Variants in BTBD9 observed in about 807,000 individuals in gnomAD.
BTBD9 encodes the protein BTB/POZ domain-containing protein 9.
In BTBD9, 49 loss-of-function variants were observed where a neutral mutation model predicts 64.3. The observed-to-expected ratio is 0.76, with a 90% CI of 0.61 to 0.97. BTBD9 has a LOEUF of 0.97. Ranked by LOEUF, BTBD9 falls within the 50% of genes least tolerant of loss-of-function variation. The pLI is 0.00. For missense variants in BTBD9, 598 were observed against 762.1 expected (o/e 0.78, Z 2.53); for synonymous variants, 260 against 274.7 (o/e 0.95, Z 0.53).
intron 9 of BTBD9, among the ~76,000 whole-genome samples, chr6:38,242,945 A>G (rs930252978): frequency 6.6e-6 from 1 of 152,246 alleles, no homozygotes; most frequent in African/African-American, 2.4e-5. Context: ...AGTTATATGC[A>G]TGCCAATTAC....
intron 9 of BTBD9, among the ~76,000 whole-genome samples, chr6:38,251,082 A>AG (rs1192848781): frequency 2.9e-4 from 42 of 146,346 alleles, no homozygotes; most frequent in African/African-American, 1.0e-3. Flanking sequence ...ACTATGTCTC[A>AG]GAAAAAAAAA....
chr6:38,195,865 C>G (rs962400563), intron 9 of BTBD9, among the ~76,000 whole-genome samples: 1 of 152,096 alleles, frequency 6.6e-6, no homozygotes, highest in African/African-American at 2.4e-5. Flanking sequence ...AATGTTGGTC[C>G]AGATTTTAGC....
chr6:38,289,290 C>T (rs1276157025), intron 7 of BTBD9, among the ~76,000 whole-genome samples: 2 of 152,182 alleles, frequency 1.3e-5, no homozygotes, highest in African/African-American at 4.8e-5. Context: ...GGGAGGATTG[C>T]TTGGGCCTGG....
chr6:38,373,751 C>T (rs1236373354), intron 6 of BTBD9, among the ~76,000 whole-genome samples: 1 of 152,116 alleles, frequency 6.6e-6, no homozygotes, highest in African/African-American at 2.4e-5. Flanking sequence ...TGGTCTCAAA[C>T]TCCTTGCCTC....
chr6:38,627,115 A>G (rs1472861908), intron 1 of BTBD9, among the ~76,000 whole-genome samples: 1 of 152,240 alleles, frequency 6.6e-6, no homozygotes, highest in Non-Finnish European at 1.5e-5. Flanking sequence ...CAGCAAATGA[A>G]CTATCTGAGA....
intron 9 of BTBD9, among the ~76,000 whole-genome samples, chr6:38,199,237 C>T (rs1001349204): frequency 2.0e-5 from 3 of 152,070 alleles, no homozygotes; most frequent in Non-Finnish European, 2.9e-5. Context: ...AGTCATATCC[C>T]GGATGGTGAG....
chr6:38,234,223 T>C (rs1045710492), intron 9 of BTBD9, among the ~76,000 whole-genome samples: 3 of 152,212 alleles, frequency 2.0e-5, no homozygotes, highest in Non-Finnish European at 2.9e-5. Context: ...ACTATGTCTG[T>C]CACAGCCTTC....
At chr6:38,520,975 T>C (rs901335519) in intron 6 of BTBD9, among the ~76,000 whole-genome samples, 13 of 151,882 alleles carry the variant, frequency 8.6e-5, no homozygotes, top group African/African-American at 2.9e-4. Flanking sequence ...AAAAAAGATA[T>C]GGGTTGCTTC....
At chr6:38,404,176 T>G (rs1341090186) in intron 6 of BTBD9, among the ~76,000 whole-genome samples, 2 of 152,204 alleles carry the variant, frequency 1.3e-5, no homozygotes, top group Non-Finnish European at 2.9e-5. Context: ...CTGAATACAC[T>G]AAAGACCACT....
intron 6 of BTBD9, among the ~76,000 whole-genome samples, chr6:38,346,438 G>C (rs1764278371): frequency 6.6e-6 from 1 of 151,926 alleles, no homozygotes; most frequent in South Asian, 2.1e-4. Flanking sequence ...CAATATTAAT[G>C]CTATGTCCTG....
At chr6:38,495,824 TGACA>T (rs1771932949) in intron 6 of BTBD9, among the ~76,000 whole-genome samples, 1 of 152,064 alleles carries the variant, frequency 6.6e-6, no homozygotes, top group Non-Finnish European at 1.5e-5. Context: ...GTGGGGATGA[TGACA>T]GACAGAATAT....
At chr6:38,276,245 A>G (rs1761236966) in intron 8 of BTBD9, among the ~76,000 whole-genome samples, 1 of 151,968 alleles carries the variant, frequency 6.6e-6, no homozygotes, top group African/African-American at 2.4e-5. Flanking sequence ...AAACTATCGC[A>G]AGGACAAAAA....
At chr6:38,273,972 C>A (rs1017996819) in intron 8 of BTBD9, among the ~76,000 whole-genome samples, 1 of 152,194 alleles carries the variant, frequency 6.6e-6, no homozygotes, top group East Asian at 1.9e-4. Flanking sequence ...CTATTCTGAG[C>A]CTGCTCTGAG....
intron 7 of BTBD9, among the ~76,000 whole-genome samples, chr6:38,290,651 A>G (rs1244323266): frequency 6.6e-6 from 1 of 152,202 alleles, no homozygotes; most frequent in Non-Finnish European, 1.5e-5. Context: ...CCCCAATCAC[A>G]GCCGCAGTGG....
chr6:38,606,057 T>C (rs193115109), intron 1 of BTBD9, among the ~76,000 whole-genome samples: 22 of 152,346 alleles, frequency 1.4e-4, no homozygotes, highest in Non-Finnish European at 2.9e-4. Flanking sequence ...GGATGCTTCC[T>C]GCCTTCGAAC....
At chr6:38,552,659 C>T (rs975015136) in intron 6 of BTBD9, among the ~76,000 whole-genome samples, 2 of 150,500 alleles carry the variant, frequency 1.3e-5, no homozygotes, top group Non-Finnish European at 1.5e-5. Flanking sequence ...CCTAGCTACT[C>T]GGGAGGCTGA....
At chr6:38,190,467 T>TAAAAAAAA (rs70981527) in intron 10 of BTBD9, among the ~76,000 whole-genome samples, 45 of 77,508 alleles carry the variant, frequency 5.8e-4, no homozygotes, top group African/African-American at 1.9e-3. Context: ...AAACTCTGTC[T>TAAAAAAAA]AAAAAAAAAA....
intron 8 of BTBD9, among the ~76,000 whole-genome samples, chr6:38,273,874 G>C (rs751011256): frequency 3.2e-4 from 49 of 152,232 alleles, no homozygotes; most frequent in Non-Finnish European, 6.0e-4. Flanking sequence ...AAAGCAGGAA[G>C]GCAGGGCCTC....
chr6:38,178,914 G>A (rs1452357920), intron 10 of BTBD9, among the ~76,000 whole-genome samples: 1 of 152,074 alleles, frequency 6.6e-6, no homozygotes, highest in African/African-American at 2.4e-5. Flanking sequence ...GTGCAGGGGG[G>A]CTATCTCAGC....
Sources: gnomAD v4.1 joint callset for allele counts (sites outside exome capture counted in the v4.1 genomes callset) on GRCh38, gnomAD v4.1.1 for gene constraint, MANE v1.5 for transcripts, NCBI Gene and HGNC (gene_info 2026-07-23, HGNC 2026-07-21) for gene names.